The following CDH12 variants were observed in gnomAD, a reference collection of about 807,000 sequenced individuals.
CDH12 encodes the protein cadherin 12, also known as cadherin-12.
A neutral mutation model predicts 74.1 loss-of-function variants in CDH12; 41 were observed. The ratio of observed to expected loss-of-function variants is 0.55; its 90% confidence interval spans 0.43 to 0.72. The LOEUF is 0.72. CDH12 is among the 30% of genes least tolerant of loss of function. The pLI, the probability that CDH12 is intolerant of heterozygous loss-of-function variation, is 0.00. For missense variants in CDH12, 945 were observed against 977.2 expected, an observed-to-expected ratio of 0.97 and a Z score of 0.44; for synonymous variants, 399 against 355.0, an observed-to-expected ratio of 1.12 and a Z score of -1.39.
intron 7 of CDH12, among the ~76,000 whole-genome samples, chr5:21,851,353 G>T (rs1225388308): frequency 6.6e-6 from 1 of 150,616 alleles, no homozygotes; most frequent in Non-Finnish European, 1.5e-5. Context: ...GAGATGTTCA[G>T]CATCCTGATT....
intron 6 of CDH12, among the ~76,000 whole-genome samples, chr5:21,909,820 G>A (rs149968661): frequency 1.9e-4 from 29 of 152,232 alleles, no homozygotes; most frequent in African/African-American, 6.3e-4. Flanking sequence ...ACATGGCTTT[G>A]TCCTGATATT....
chr5:22,141,950 A>C (rs769455469), intron 4 of CDH12, among the ~76,000 whole-genome samples: 57 of 152,272 alleles, frequency 3.7e-4, no homozygotes, highest in Non-Finnish European at 6.6e-4. Context: ...AGGGTTAATA[A>C]ATAACTTGCC....
chr5:22,620,084 T>C (rs548932819), intron 1 of CDH12, among the ~76,000 whole-genome samples: 47 of 152,206 alleles, frequency 3.1e-4, no homozygotes, highest in Non-Finnish European at 5.3e-4. Flanking sequence ...CTAGTTTTTG[T>C]TTATGTTTTG....
At chr5:22,079,084 G>A (rs1449890414) in intron 4 of CDH12, among the ~76,000 whole-genome samples, 5 of 152,100 alleles carry the variant, frequency 3.3e-5, no homozygotes, top group Non-Finnish European at 7.4e-5. Context: ...AGCAAAAGGT[G>A]CATTATAAAC....
At chr5:22,144,557 AG>A (rs2150302186) in intron 4 of CDH12, among the ~76,000 whole-genome samples, 1 of 152,144 alleles carries the variant, frequency 6.6e-6, no homozygotes, top group Non-Finnish European at 1.5e-5. Flanking sequence ...AAAAGTAAAA[AG>A]AAAATTGGGA....
chr5:21,891,675 T>C (rs574583847), intron 6 of CDH12, among the ~76,000 whole-genome samples: 1 of 152,206 alleles, frequency 6.6e-6, no homozygotes, highest in South Asian at 2.1e-4. Context: ...TTGGATTAAG[T>C]GTTTGGATGT....
intron 8 of CDH12, among the ~76,000 whole-genome samples, chr5:21,821,257 C>G (rs1423853215): frequency 6.6e-6 from 1 of 151,454 alleles, no homozygotes. Flanking sequence ...ATATATTTAC[C>G]TTCCTTTTTT....
At chr5:22,706,481 A>G (rs925317495) in intron 1 of CDH12, among the ~76,000 whole-genome samples, 2 of 152,018 alleles carry the variant, frequency 1.3e-5, no homozygotes, top group African/African-American at 4.8e-5. Flanking sequence ...TTGGTATGTT[A>G]CATTTATTTT....
intron 3 of CDH12, among the ~76,000 whole-genome samples, chr5:22,265,931 C>A (rs1336322355): frequency 6.6e-6 from 1 of 152,016 alleles, no homozygotes; most frequent in Non-Finnish European, 1.5e-5. Flanking sequence ...CTTTTAGTCT[C>A]TGGGCTGACT....
intron 3 of CDH12, among the ~76,000 whole-genome samples, chr5:22,236,647 T>C (rs1752570129): frequency 6.6e-6 from 1 of 152,126 alleles, no homozygotes; most frequent in East Asian, 1.9e-4. Context: ...CTTGGGAGGC[T>C]GAGGCAGGAG....
intron 6 of CDH12, among the ~76,000 whole-genome samples, chr5:21,971,979 G>A (rs536902958): frequency 3.3e-5 from 5 of 152,112 alleles, no homozygotes; most frequent in Non-Finnish European, 5.9e-5. Flanking sequence ...CCACAGTGCT[G>A]TAAGTCTTAA....
intron 3 of CDH12, among the ~76,000 whole-genome samples, chr5:22,292,972 C>T (rs188054848): frequency 6.6e-6 from 1 of 151,998 alleles, no homozygotes; most frequent in African/African-American, 2.4e-5. Flanking sequence ...ATCTGTAATT[C>T]ACATCTGTTC....
chr5:22,637,337 G>C (rs1383136927), intron 1 of CDH12, among the ~76,000 whole-genome samples: 1 of 151,644 alleles, frequency 6.6e-6, no homozygotes, highest in East Asian at 1.9e-4. Flanking sequence ...AAAATTCTCT[G>C]TGCTAACCTC....
intron 3 of CDH12, among the ~76,000 whole-genome samples, chr5:22,337,594 T>A (rs1386449322): frequency 1.3e-5 from 2 of 152,194 alleles, no homozygotes; most frequent in Non-Finnish European, 2.9e-5. Flanking sequence ...CCTGCTGCTA[T>A]CCATGTAAAA....
intron 7 of CDH12, among the ~76,000 whole-genome samples, chr5:21,851,344 A>G (rs1262002929): frequency 2.6e-5 from 4 of 150,974 alleles, no homozygotes; most frequent in Non-Finnish European, 1.5e-5. Flanking sequence ...AAAACTGTTG[A>G]GATGTTCAGC....
intron 4 of CDH12, among the ~76,000 whole-genome samples, chr5:22,130,974 T>A (rs925185509): frequency 3.8e-4 from 58 of 151,978 alleles, no homozygotes; most frequent in Non-Finnish European, 7.5e-4. Flanking sequence ...TATCTCAGCA[T>A]CTTGTTTTTT....
intron 6 of CDH12, among the ~76,000 whole-genome samples, chr5:21,930,296 C>T (rs1415688609): frequency 6.6e-6 from 1 of 152,112 alleles, no homozygotes. Context: ...GATTGCAGCA[C>T]CACTGTTTGC....
At chr5:22,050,933 T>C (rs1032670203) in intron 5 of CDH12, among the ~76,000 whole-genome samples, 3 of 152,174 alleles carry the variant, frequency 2.0e-5, no homozygotes, top group African/African-American at 7.2e-5. Flanking sequence ...CTGATGTTTC[T>C]CAAAGTGCAA....
At chr5:22,672,134 TA>T (rs1740936850) in intron 1 of CDH12, among the ~76,000 whole-genome samples, 1 of 135,370 alleles carries the variant, frequency 7.4e-6, no homozygotes, top group Admixed American at 7.8e-5. Flanking sequence ...ATTTTATATA[TA>T]AATATATATT....
Sources: gnomAD v4.1 joint callset for allele counts (sites outside exome capture counted in the v4.1 genomes callset) on GRCh38, gnomAD v4.1.1 for gene constraint, MANE v1.5 for transcripts, NCBI Gene and HGNC (gene_info 2026-07-23, HGNC 2026-07-21) for gene names.